CEP170: variants seen among roughly 807,000 people sequenced by gnomAD.
CEP170 encodes the protein centrosomal protein of 170 kDa.
A neutral mutation model predicts 151.9 loss-of-function variants in CEP170; 21 were observed. That is an observed-to-expected ratio of 0.14 (90% CI 0.10 to 0.20). The LOEUF is 0.20. Among genes scored for constraint, CEP170 ranks in the 10% least tolerant of loss-of-function variants. CEP170 has a pLI of 1.00. For synonymous variants in CEP170, 356 were observed against 648.8 expected (o/e 0.55, Z 6.86); for missense variants, 964 against 1,892.9 (o/e 0.51, Z 9.11).
In CEP170 at chr1:243,140,054, T is replaced by A; in HGVS notation, c.4113A>T (p.Leu1371Phe). The A allele has an allele frequency of 1.9e-6, 3 of 1,613,948 alleles. No individual in the cohort carries two copies. Among genetic ancestry groups the A allele is most frequent in the Non-Finnish European group, 2.5e-6 (3 of 1,179,840 alleles). Residue 1371 changes from leucine to phenylalanine, a missense_variant, in exon 16 of 20, where the codon TTA becomes TTT. By Grantham distance (22) the Leu-to-Phe change is conservative. Coordinates refer to ENST00000366542, the MANE Select transcript of CEP170 (RefSeq NM_014812.3). ...TTCCTTCTGGTGTTTTGGAATGAACTAATGGAGGAATCTTTCGGAAGTTGA... is the reference window on the plus strand; with the variant it reads ...TTCCTTCTGGTGTTTTGGAATGAACAAATGGAGGAATCTTTCGGAAGTTGA... ...ESLNFRKIPP[L>F]VHSKTPEGNN... is the part of the protein sequence containing the mutation.
intron 11 of CEP170, among the ~76,000 whole-genome samples, chr1:243,172,033 T>A (rs2058880893): frequency 6.6e-6 from 1 of 152,216 alleles, no homozygotes; most frequent in Admixed American, 6.5e-5. Context: ...GGCAGTGCCC[T>A]CGTACATGTT....
At chr1:243,226,035 CTATCTCTAGATATATATATCTAGATATA>C (rs1395838603) in intron 1 of CEP170, among the ~76,000 whole-genome samples, 1 of 110,850 alleles carries the variant, frequency 9.0e-6, no homozygotes, top group African/African-American at 3.3e-5. Flanking sequence ...GTATATATAT[CTATCTCTAGATATATATATCTAGATATA>C]TATATCTATA....
chr1:243,225,030 G>T (rs996148800), intron 2 of CEP170, 146 bp downstream of exon 2: 6 of 443,582 alleles, frequency 1.4e-5, no homozygotes, highest in Admixed American at 4.4e-5. Context: ...ATTCAAGGGG[G>T]CAAAAAATTA....
intron 4 of CEP170, 96 bp from the exon 5 acceptor site, chr1:243,200,931 G>A (rs910143884): frequency 2.0e-5 from 27 of 1,332,198 alleles, no homozygotes; most frequent in Non-Finnish European, 2.6e-5. Flanking sequence ...TATTTCAACA[G>A]GTAACTACAG....
intron 3 of CEP170, 29 bp from the exon 4 acceptor site, chr1:243,211,993 T>A (rs1311487688): frequency 1.4e-6 from 2 of 1,454,172 alleles, no homozygotes. Context: ...AGATGTTAGG[T>A]TACGTATGAG....
chr1:243,152,684 A>T (rs1475298733), intron 14 of CEP170, among the ~76,000 whole-genome samples: 1 of 149,818 alleles, frequency 6.7e-6, no homozygotes, highest in Non-Finnish European at 1.5e-5. Context: ...GGCACGTACC[A>T]CCATGCCCAG....
chr1:243,249,938 G>A (rs535170042), intron 1 of CEP170, among the ~76,000 whole-genome samples: 12 of 152,260 alleles, frequency 7.9e-5, no homozygotes, highest in South Asian at 6.2e-4. Flanking sequence ...AAAATTAGCC[G>A]GGCGTGCCTG....
At chr1:243,174,467 T>C (rs960033912) in intron 10 of CEP170, among the ~76,000 whole-genome samples, 15 of 152,012 alleles carry the variant, frequency 9.9e-5, no homozygotes, top group South Asian at 2.1e-4. Flanking sequence ...AAAGTTTTAA[T>C]GGTCTTATAG....
intron 1 of CEP170, among the ~76,000 whole-genome samples, chr1:243,227,033 T>C (rs2063353735): frequency 6.6e-6 from 1 of 152,192 alleles, no homozygotes; most frequent in African/African-American, 2.4e-5. Flanking sequence ...TTGATGGGAT[T>C]TTGTAACACC....
intron 8 of CEP170, among the ~76,000 whole-genome samples, chr1:243,189,519 G>A (rs1162227852): frequency 7.0e-6 from 1 of 143,660 alleles, no homozygotes; most frequent in Non-Finnish European, 1.5e-5. Flanking sequence ...TCGCGCCACT[G>A]CACTCCAGCC....
chr1:243,255,105 C>T lies in CEP170; in HGVS notation c.-107G>A, dbSNP rs2066511597. ...CGCGTCGCGTCCCGTGAGTCTCTCG[C>T]ACGCCGTCCTCCCCCCACCTCGTCG... On this transcript the variant is annotated 5_prime_UTR_variant, in exon 1 of 20. Coordinates refer to ENST00000366542, the MANE Select transcript of CEP170 (RefSeq NM_014812.3). 3 of 152,864 alleles carry T rather than the reference C, an allele frequency of 2.0e-5. No individual in the cohort carries two copies. 9.5% of individuals were successfully genotyped at this position (152,864 alleles called of 1,614,324 possible).
At chr1:243,172,122 C>T (rs2058890664) in intron 11 of CEP170, among the ~76,000 whole-genome samples, 1 of 152,016 alleles carries the variant, frequency 6.6e-6, no homozygotes, top group Non-Finnish European at 1.5e-5. Context: ...CTCATAATGC[C>T]AATCAGAACC....
chr1:243,228,729 T>C (rs2063491315), intron 1 of CEP170, among the ~76,000 whole-genome samples: 1 of 152,202 alleles, frequency 6.6e-6, no homozygotes, highest in African/African-American at 2.4e-5. Flanking sequence ...AAACAGTTTC[T>C]TAATATAGCA....
At chr1:243,198,990 G>A in intron 7 of CEP170, 70 bp downstream of exon 7, 1 of 867,612 alleles carries the variant, frequency 1.2e-6, no homozygotes, top group East Asian at 2.6e-5. Flanking sequence ...ATGGTAGACA[G>A]CTGTTTGCTT....
intron 1 of CEP170, among the ~76,000 whole-genome samples, chr1:243,243,887 A>C (rs1325656213): frequency 2.0e-5 from 3 of 151,840 alleles, no homozygotes; most frequent in African/African-American, 4.8e-5. Flanking sequence ...CTACCCCCAA[A>C]AGGAATAACT....
rs1485869567 is a variant in CEP170 at position 243,204,872 on chromosome 1, A to T, written c.275-4037T>A. 2.0e-5 allele frequency among the ~76,000 whole-genome samples: 3 copies of T among 152,274 alleles called. No individual in the cohort carries two copies. The East Asian group carries it at 5.8e-4, about 29-fold the overall frequency. ...CCAAATCAACTTCTCAATCTTCTGGATAAGATGGAGTAAAAAGAATTGGAT... is the reference window on the plus strand; with the variant it reads ...CCAAATCAACTTCTCAATCTTCTGGTTAAGATGGAGTAAAAAGAATTGGAT... On this transcript the variant is annotated intron_variant, in intron 4 of 19. Transcript: ENST00000366542.
At chr1:243,176,871 C>T (rs1294643593) in intron 10 of CEP170, 3 of 398,192 alleles carry the variant, frequency 7.5e-6, no homozygotes, top group Non-Finnish European at 1.5e-5. Flanking sequence ...CCATAAGAAC[C>T]AAACGATATT....
intron 3 of CEP170, among the ~76,000 whole-genome samples, chr1:243,213,237 T>C (rs1364476358): frequency 6.6e-6 from 1 of 152,114 alleles, no homozygotes; most frequent in Admixed American, 6.6e-5. Context: ...CATGATGCAA[T>C]AGTGAAATAA....
intron 17 of CEP170, among the ~76,000 whole-genome samples, chr1:243,129,822 G>A (rs2054173701): frequency 6.6e-6 from 1 of 151,804 alleles, no homozygotes; most frequent in African/African-American, 2.4e-5. Context: ...TGGCAGTCAA[G>A]CATGGTCCGT....
Sources: allele counts gnomAD v4.1 joint callset (sites outside exome capture counted in the v4.1 genomes callset), GRCh38; gene constraint gnomAD v4.1.1; transcripts MANE v1.5; gene names NCBI Gene and HGNC (gene_info 2026-07-23, HGNC 2026-07-21).